The following SOX6 variants were observed in gnomAD, a reference collection of about 807,000 sequenced individuals.
SOX6 encodes the protein transcription factor SOX-6.
SOX6 carries 11 observed loss-of-function variants against 97.8 expected under a neutral mutation model. The observed-to-expected ratio is 0.11, with a 90% CI of 0.07 to 0.19. The LOEUF (loss-of-function observed/expected upper bound fraction) is 0.19, where lower values mean the gene tolerates loss of function less well. Among genes scored for constraint, SOX6 ranks in the 10% least tolerant of loss-of-function variants. The pLI is 1.00. For missense variants in SOX6, 810 were observed against 1,039.5 expected, an observed-to-expected ratio of 0.78 and a Z score of 3.04; for synonymous variants, 360 against 371.4, an observed-to-expected ratio of 0.97 and a Z score of 0.35.
intron 7 of SOX6, among the ~76,000 whole-genome samples, chr11:16,109,608 A>T (rs1037043078): frequency 2.0e-5 from 3 of 152,198 alleles, no homozygotes; most frequent in Non-Finnish European, 4.4e-5. Flanking sequence ...CACCTAATTC[A>T]TGTGAATGAT....
intron 2 of SOX6, among the ~76,000 whole-genome samples, chr11:16,336,396 C>T (rs1191419296): frequency 3.3e-5 from 5 of 152,076 alleles, no homozygotes; most frequent in Admixed American, 1.3e-4. Context: ...TGTTTCTGCC[C>T]ACATGTACAT....
chr11:16,723,509 C>A (rs1312868146), intron 2 of SOX6, among the ~76,000 whole-genome samples: 3 of 151,722 alleles, frequency 2.0e-5, no homozygotes, highest in Admixed American at 1.3e-4. Flanking sequence ...AAAAAAAAAA[C>A]TGAGAAAAGT....
intron 4 of SOX6, among the ~76,000 whole-genome samples, chr11:16,488,106 T>C (rs573957728): frequency 2.0e-4 from 31 of 152,124 alleles, no homozygotes; most frequent in Admixed American, 1.6e-3. Flanking sequence ...AAAAGAAAAA[T>C]AAAGATTTGA....
At chr11:16,191,557 C>A (rs1851631397) in intron 4 of SOX6, among the ~76,000 whole-genome samples, 1 of 152,186 alleles carries the variant, frequency 6.6e-6, no homozygotes, top group Non-Finnish European at 1.5e-5. Context: ...TCTGCCCAGG[C>A]CAGCAGAGGT....
At position 16,382,052 on chromosome 11, in the gene SOX6, T is replaced by G. The variant is rs12418893; in HGVS notation, c.-4-40800A>C. Among the ~76,000 whole-genome samples the G allele has an allele frequency of 5.1e-3, 778 of 152,108 alleles. 4 individuals are homozygous for G. The highest frequency in any genetic ancestry group is 0.011 in the Admixed American group (163 of 15,244). ...CATTAAAATAGGCCATTTCTTACGTTTAATCATTATAAAAGAGGAGTAAAA... is the reference window on the plus strand; with the variant it reads ...CATTAAAATAGGCCATTTCTTACGTGTAATCATTATAAAAGAGGAGTAAAA... On this transcript the variant is annotated intron_variant, in intron 1 of 15. Transcript: ENST00000396356.
At chr11:16,183,565 A>G (rs1339855592) in intron 6 of SOX6, among the ~76,000 whole-genome samples, 1 of 152,056 alleles carries the variant, frequency 6.6e-6, no homozygotes, top group African/African-American at 2.4e-5. Context: ...TACAAAACAG[A>G]AAGTGGTCAG....
At chr11:16,702,395 C>T (rs1848101428) in intron 3 of SOX6, among the ~76,000 whole-genome samples, 1 of 152,106 alleles carries the variant, frequency 6.6e-6, no homozygotes, top group African/African-American at 2.4e-5. Flanking sequence ...TTTTAATCGT[C>T]TACTGGTCTT....
intron 4 of SOX6, chr11:16,484,056 T>A (rs1860391266): frequency 2.6e-6 from 2 of 778,104 alleles, no homozygotes; most frequent in Admixed American, 1.7e-5. Context: ...GAGGGGGCTG[T>A]AGGCAGTCAC....
chr11:16,501,885 A>G (rs1253711961), intron 4 of SOX6, among the ~76,000 whole-genome samples: 2 of 152,210 alleles, frequency 1.3e-5, no homozygotes, highest in Admixed American at 6.5e-5. Flanking sequence ...TAGTTCAACC[A>G]TTGTGGAAGT....
intron 12 of SOX6, among the ~76,000 whole-genome samples, chr11:16,015,967 C>T (rs2133864195): frequency 6.6e-6 from 1 of 152,154 alleles, no homozygotes; most frequent in African/African-American, 2.4e-5. Flanking sequence ...GAAATAGCAG[C>T]TTCCAGCTCC....
At chr11:16,343,561 A>G (rs1192241971) in intron 1 of SOX6, among the ~76,000 whole-genome samples, 1 of 151,880 alleles carries the variant, frequency 6.6e-6, no homozygotes, top group Admixed American at 6.6e-5. Flanking sequence ...AATAGACTAA[A>G]TCTATGAGTT....
intron 3 of SOX6, among the ~76,000 whole-genome samples, chr11:16,632,419 G>C (rs572074498): frequency 6.6e-6 from 1 of 152,128 alleles, no homozygotes; most frequent in African/African-American, 2.4e-5. Context: ...TCAGCTTTTA[G>C]CTTGTCTGGA....
At chr11:16,404,705 C>A (rs1223839331) in intron 1 of SOX6, among the ~76,000 whole-genome samples, 1 of 151,842 alleles carries the variant, frequency 6.6e-6, no homozygotes, top group East Asian at 1.9e-4. Context: ...AAGACACACC[C>A]CAAGCCGTTC....
At chr11:16,109,405 G>T (rs1221477535) in intron 7 of SOX6, among the ~76,000 whole-genome samples, 1 of 151,998 alleles carries the variant, frequency 6.6e-6, no homozygotes, top group African/African-American at 2.4e-5. Flanking sequence ...TCACTATGTT[G>T]TCCAGGCTGG....
chr11:16,235,835 A>G (rs892973598), intron 3 of SOX6, among the ~76,000 whole-genome samples: 48 of 152,236 alleles, frequency 3.2e-4, no homozygotes, highest in African/African-American at 1.1e-3. Flanking sequence ...GAAAAAGACC[A>G]TGAGCCCTGG....
In SOX6 at chr11:16,234,563, G is replaced by C. The variant is rs201772960; in HGVS notation, c.535+19C>G. ...ATCACATCACTGCATTGACATGTTC[G>C]ATATATTTTATGTTGTACCTTTAAT... On this transcript the variant is annotated intron_variant, in intron 4 of 15. Coordinates refer to ENST00000683767, the MANE Select transcript of SOX6 (RefSeq NM_001367873.1). 1.4e-6 allele frequency: 2 copies of C among 1,390,210 alleles called. No homozygotes were observed. Among genetic ancestry groups the C allele is most frequent in the Non-Finnish European group, 1.0e-6 (1 of 983,288 alleles). The allele number at this position is 1,390,210 out of a possible 1,614,324, so 86.1% of individuals were successfully genotyped here.
chr11:16,170,462 G>A (rs966348563), intron 6 of SOX6, among the ~76,000 whole-genome samples: 2 of 151,688 alleles, frequency 1.3e-5, no homozygotes, highest in Non-Finnish European at 2.9e-5. Context: ...CATAAAAGAA[G>A]AAGCTTATCT....
At chr11:16,551,263 T>C (rs577320842) in intron 4 of SOX6, among the ~76,000 whole-genome samples, 5 of 152,272 alleles carry the variant, frequency 3.3e-5, no homozygotes, top group Admixed American at 3.3e-4. Context: ...GGTGGGAGGA[T>C]TACTTGAGCC....
chr11:16,699,741 C>G (rs1263321170), intron 3 of SOX6, among the ~76,000 whole-genome samples: 1 of 152,082 alleles, frequency 6.6e-6, no homozygotes, highest in African/African-American at 2.4e-5. Context: ...ACTTACATCA[C>G]AGAACATTCT....
Sources: allele counts gnomAD v4.1 joint callset (sites outside exome capture counted in the v4.1 genomes callset), GRCh38; gene constraint gnomAD v4.1.1; transcripts MANE v1.5; gene names NCBI Gene and HGNC (gene_info 2026-07-23, HGNC 2026-07-21).